The following COG5 variants were observed in gnomAD, a reference collection of about 807,000 sequenced individuals.
COG5 encodes the protein conserved oligomeric Golgi complex subunit 5.
COG5 carries 86 observed loss-of-function variants against 110.4 expected under a neutral mutation model. The observed-to-expected ratio is 0.78, with a 90% confidence interval of 0.65 to 0.93. The LOEUF is 0.93. COG5 is among the 40% of genes least tolerant of loss of function. The probability of loss-of-function intolerance (pLI) is 0.00; values close to 1 mark genes in which losing one functional copy is unlikely to be tolerated. For synonymous variants in COG5, 360 were observed against 334.6 expected (o/e 1.08, Z -0.83); for missense variants, 1,077 against 987.0 (o/e 1.09, Z -1.22).
At chr7:107,323,036 G>A (rs1809440557) in intron 11 of COG5, among the ~76,000 whole-genome samples, 1 of 152,176 alleles carries the variant, frequency 6.6e-6, no homozygotes, top group Non-Finnish European at 1.5e-5. Flanking sequence ...AAAATTTGGG[G>A]ATGATGGAAA....
At chr7:107,387,411 C>T (rs1312736176) in intron 7 of COG5, among the ~76,000 whole-genome samples, 2 of 152,212 alleles carry the variant, frequency 1.3e-5, no homozygotes, top group Admixed American at 6.5e-5. Flanking sequence ...CACCCTGGGG[C>T]CCACCTGCTC....
At chr7:107,304,737 T>C (rs769802280) in intron 11 of COG5, among the ~76,000 whole-genome samples, 115 of 152,304 alleles carry the variant, frequency 7.6e-4, no homozygotes, top group Admixed American at 2.0e-3. Flanking sequence ...AAAGACCTCC[T>C]GTCTAGGAAA....
intron 6 of COG5, among the ~76,000 whole-genome samples, chr7:107,497,874 AC>A (rs781379764): frequency 6.6e-6 from 1 of 152,178 alleles, no homozygotes; most frequent in Non-Finnish European, 1.5e-5. Flanking sequence ...GTATCATCAT[AC>A]TTCTTTATAT....
At chr7:107,439,221 C>T (rs1794558607) in intron 6 of COG5, among the ~76,000 whole-genome samples, 2 of 152,140 alleles carry the variant, frequency 1.3e-5, no homozygotes, top group South Asian at 4.1e-4. Context: ...TTTTTCCCTT[C>T]TCTACGCAAT....
chr7:107,520,924 A>C (rs1800278379), intron 6 of COG5, among the ~76,000 whole-genome samples: 1 of 152,236 alleles, frequency 6.6e-6, no homozygotes, highest in Admixed American at 6.5e-5. Context: ...CCAAAACAGC[A>C]TGGTCCTGGT....
intron 6 of COG5, among the ~76,000 whole-genome samples, chr7:107,522,015 C>G (rs1268469988): frequency 6.6e-6 from 1 of 151,950 alleles, no homozygotes; most frequent in Non-Finnish European, 1.5e-5. Context: ...CAAACTAGCA[C>G]AGGAATAGAA....
At chr7:107,307,523 C>G (rs1807831758) in intron 11 of COG5, among the ~76,000 whole-genome samples, 1 of 152,172 alleles carries the variant, frequency 6.6e-6, no homozygotes, top group Admixed American at 6.5e-5. Flanking sequence ...GGCCAATGCC[C>G]CTCCATCACT....
chr7:107,372,871 A>G (rs1814308118), intron 7 of COG5, 111 bp from the exon 8 acceptor site: 3 of 901,052 alleles, frequency 3.3e-6, no homozygotes, highest in Non-Finnish European at 3.4e-6. Flanking sequence ...ATATTTAAAT[A>G]CTACCATATT....
At chr7:107,277,176 T>G (rs928938381) in intron 14 of COG5, among the ~76,000 whole-genome samples, 1 of 152,010 alleles carries the variant, frequency 6.6e-6, no homozygotes, top group East Asian at 1.9e-4. Context: ...TATTGTAAAA[T>G]GAATGAGCAA....
At chr7:107,448,848 T>C (rs1795163328) in intron 6 of COG5, among the ~76,000 whole-genome samples, 1 of 151,966 alleles carries the variant, frequency 6.6e-6, no homozygotes, top group African/African-American at 2.4e-5. Context: ...CCTAGAAATA[T>C]CAAAAAAATT....
intron 3 of COG5, among the ~76,000 whole-genome samples, chr7:107,550,621 A>T (rs899535113): frequency 2.6e-5 from 4 of 152,004 alleles, no homozygotes; most frequent in African/African-American, 9.7e-5. Context: ...CTTGGCTCAA[A>T]CGTCATCTTC....
At chr7:107,348,936 A>C (rs924593962) in intron 10 of COG5, among the ~76,000 whole-genome samples, 9 of 151,922 alleles carry the variant, frequency 5.9e-5, no homozygotes, top group African/African-American at 2.2e-4. Context: ...ATTATAGCCC[A>C]CTGCAGACTC....
chr7:107,530,187 C>G (rs1404661459), intron 5 of COG5, among the ~76,000 whole-genome samples: 3 of 152,220 alleles, frequency 2.0e-5, no homozygotes, highest in Non-Finnish European at 4.4e-5. Flanking sequence ...TATTTTACCT[C>G]TATTCCTACA....
chr7:107,432,137 G>GCCATTCTTATTTTGA (rs1794066796), intron 6 of COG5, among the ~76,000 whole-genome samples: 1 of 152,088 alleles, frequency 6.6e-6, no homozygotes, highest in African/African-American at 2.4e-5. Context: ...CCATCATTTT[G>GCCATTCTTATTTTGA]CCATTCTTAT....
intron 16 of COG5, among the ~76,000 whole-genome samples, chr7:107,252,593 A>G (rs1802599785): frequency 6.6e-6 from 1 of 152,208 alleles, no homozygotes; most frequent in Admixed American, 6.5e-5. Flanking sequence ...CCAAATAAAG[A>G]CATAGAAAAT....
At chr7:107,258,590 G>A (rs766181927) in intron 14 of COG5, 2 of 595,346 alleles carry the variant, frequency 3.4e-6, no homozygotes, top group Non-Finnish European at 6.0e-6. Context: ...AATCTGTGTA[G>A]AGAAAACACC....
At chr7:107,529,024 T>TAAATAAAAAA (rs1554457476) in intron 5 of COG5, among the ~76,000 whole-genome samples, 1 of 97,842 alleles carries the variant, frequency 1.0e-5, no homozygotes, top group African/African-American at 5.0e-5. Context: ...AATACTTAAA[T>TAAATAAAAAA]AAAAAAAAAA....
In COG5 at chr7:107,546,828, TAAAG is replaced by T. The variant is rs545316621; in HGVS notation, c.417+1279_417+1282del. On this transcript the variant is annotated intron_variant, in intron 5 of 21. Coordinates refer to ENST00000297135, the MANE Select transcript of COG5 (RefSeq NM_006348.5). ...TATACAACTTACAAAAATTGAATCATAAAGAAACAAAATCTTAACAGATCAATAG... is the reference window on the plus strand; with the variant it reads ...TATACAACTTACAAAAATTGAATCATAAACAAAATCTTAACAGATCAATAG... Among the ~76,000 whole-genome samples the T allele has an allele frequency of 4.5e-3, 683 of 152,132 alleles. 5 individuals carry two copies. The highest frequency in any genetic ancestry group is 0.015 in the African/African-American group (642 of 41,546).
intron 6 of COG5, among the ~76,000 whole-genome samples, chr7:107,466,986 G>C (rs1187348916): frequency 6.6e-6 from 1 of 151,926 alleles, no homozygotes; most frequent in Non-Finnish European, 1.5e-5. Context: ...CCACAAGCTG[G>C]GTAAGAATGA....
Sources: gnomAD v4.1 joint callset for allele counts (sites outside exome capture counted in the v4.1 genomes callset) on GRCh38, gnomAD v4.1.1 for gene constraint, MANE v1.5 for transcripts, NCBI Gene and HGNC (gene_info 2026-07-23, HGNC 2026-07-21) for gene names.